Variants in CENPQ observed in about 807,000 individuals in gnomAD.
CENPQ encodes the protein centromere protein Q, also known as chromosome 6 open reading frame 139.
Under a neutral mutation model 36.6 loss-of-function variants are expected in CENPQ, and 27 were observed. The ratio of observed to expected loss-of-function variants is 0.74; its 90% confidence interval spans 0.54 to 1.02. CENPQ has a LOEUF of 1.02. Among genes scored for constraint, CENPQ ranks in the 50% least tolerant of loss-of-function variants. The probability of loss-of-function intolerance (pLI) is 0.00; values close to 1 mark genes in which losing one functional copy is unlikely to be tolerated. For synonymous variants in CENPQ, 101 were observed against 101.7 expected (o/e 0.99, Z 0.04); for missense variants, 306 against 301.8 (o/e 1.01, Z -0.10).
intron 8 of CENPQ, among the ~76,000 whole-genome samples, chr6:49,488,912 C>T (rs559429440): frequency 3.3e-5 from 5 of 150,778 alleles, no homozygotes; most frequent in South Asian, 4.2e-4. Context: ...ATTTAGAAAA[C>T]GCTTTACTGC....
intron 1 of CENPQ, among the ~76,000 whole-genome samples, chr6:49,469,604 G>A (rs1489891841): frequency 6.6e-6 from 1 of 152,102 alleles, no homozygotes; most frequent in Non-Finnish European, 1.5e-5. Context: ...AATGCACATA[G>A]CCCAGATAGG....
At position 49,471,766 on chromosome 6, in the gene CENPQ, A is replaced by T. The variant is rs574511668; in HGVS notation, c.158-297A>T. 9.9e-5 allele frequency among the ~76,000 whole-genome samples: 15 copies of T among 152,284 alleles called. No homozygotes were observed. In the East Asian group the frequency reaches 2.9e-3, roughly 29 times the overall value. ...GTCCTCTCAATGAAATGTTTAAAGA[A>T]TTTAGGCCATTTCTGAGAATGAAAC... On this transcript the variant is annotated intron_variant, in intron 3 of 8. Transcript: ENST00000335783.
At chr6:49,491,719 C>A (rs1211618069) in intron 8 of CENPQ, among the ~76,000 whole-genome samples, 4 of 152,134 alleles carry the variant, frequency 2.6e-5, no homozygotes, top group African/African-American at 9.7e-5. Context: ...AGTTCGAGAA[C>A]AGCCTGACCA....
At chr6:49,466,405 GACA>G (rs899256903) in intron 1 of CENPQ, among the ~76,000 whole-genome samples, 1 of 152,126 alleles carries the variant, frequency 6.6e-6, no homozygotes, top group Non-Finnish European at 1.5e-5. Flanking sequence ...TAGTTTGTAA[GACA>G]ACAACAACAA....
intron 5 of CENPQ, 92 bp downstream of exon 5, chr6:49,472,950 A>G: frequency 1.0e-6 from 1 of 960,262 alleles, no homozygotes; most frequent in South Asian, 3.7e-5. Context: ...GTGGAATGTA[A>G]GTTTTTCTTT....
chr6:49,478,596 G>C (rs1235767487), intron 5 of CENPQ, among the ~76,000 whole-genome samples: 1 of 152,144 alleles, frequency 6.6e-6, no homozygotes, highest in East Asian at 1.9e-4. Context: ...GAAGAAAGAG[G>C]AAAAAGACGA....
chr6:49,472,883 G>T (rs1334054161), intron 5 of CENPQ, 25 bp downstream of exon 5: 4 of 1,330,596 alleles, frequency 3.0e-6, no homozygotes, highest in Admixed American at 3.0e-5. Context: ...TAATTAAAAT[G>T]ATTAAAACAT....
chr6:49,465,833 A>C (rs1280926216), intron 1 of CENPQ, among the ~76,000 whole-genome samples: 1 of 152,216 alleles, frequency 6.6e-6, no homozygotes, highest in Non-Finnish European at 1.5e-5. Flanking sequence ...CCCTATCAGT[A>C]ATAAGGCTGT....
chr6:49,479,320 G>C (rs541581132), intron 5 of CENPQ, among the ~76,000 whole-genome samples: 14 of 152,168 alleles, frequency 9.2e-5, no homozygotes, highest in Non-Finnish European at 1.2e-4. Flanking sequence ...AGTGGGCAAA[G>C]GACATGAACA....
chr6:49,485,975 GA>G (rs1768569529), intron 6 of CENPQ, among the ~76,000 whole-genome samples: 1 of 152,122 alleles, frequency 6.6e-6, no homozygotes, highest in African/African-American at 2.4e-5. Flanking sequence ...TTGAATCTAG[GA>G]AAAGGGTCTT....
chr6:49,478,491 G>A (rs1226876952), intron 5 of CENPQ, among the ~76,000 whole-genome samples: 1 of 151,904 alleles, frequency 6.6e-6, no homozygotes, highest in African/African-American at 2.4e-5. Context: ...TTGACTAAAC[G>A]TTAGCTTCAT....
intron 1 of CENPQ, among the ~76,000 whole-genome samples, chr6:49,469,041 A>G (rs1768069138): frequency 1.3e-5 from 2 of 152,224 alleles, no homozygotes; most frequent in African/African-American, 4.8e-5. Flanking sequence ...AGAGCAGGGT[A>G]AAGTGATATT....
chr6:49,489,804 A>G (rs1768674776), intron 8 of CENPQ, among the ~76,000 whole-genome samples: 1 of 152,168 alleles, frequency 6.6e-6, no homozygotes, highest in African/African-American at 2.4e-5. Flanking sequence ...AACTGTGAAC[A>G]TTTTCAATGA....
chr6:49,483,940 A>AGCAAGGGCT (rs769981770), intron 6 of CENPQ, among the ~76,000 whole-genome samples: 1 of 152,242 alleles, frequency 6.6e-6, no homozygotes, highest in Non-Finnish European at 1.5e-5. Context: ...GCCAGGAGTG[A>AGCAAGGGCT]GCAAGGGCTG....
chr6:49,485,259 CAG>C (rs1004787289), intron 6 of CENPQ, among the ~76,000 whole-genome samples: 1 of 152,162 alleles, frequency 6.6e-6, no homozygotes, highest in African/African-American at 2.4e-5. Flanking sequence ...GTAATAGTAA[CAG>C]AAATTTTATT....
At chr6:49,475,551 A>G (rs1401364533) in intron 5 of CENPQ, among the ~76,000 whole-genome samples, 2 of 152,330 alleles carry the variant, frequency 1.3e-5, no homozygotes, top group South Asian at 2.1e-4. Flanking sequence ...CCTATTCAAC[A>G]TAGTGTTGGA....
chr6:49,483,284 T>C (rs1381696570), intron 6 of CENPQ, among the ~76,000 whole-genome samples: 2 of 152,132 alleles, frequency 1.3e-5, no homozygotes. Flanking sequence ...TGCAGATTGG[T>C]GTATTTACAA....
intron 4 of CENPQ, 68 bp from the exon 5 acceptor site, chr6:49,472,721 GA>G: frequency 4.1e-6 from 5 of 1,230,392 alleles, no homozygotes; most frequent in Non-Finnish European, 4.2e-6. Flanking sequence ...AAATCAGAGA[GA>G]AAAAGTACAA....
intron 1 of CENPQ, among the ~76,000 whole-genome samples, chr6:49,465,588 C>T (rs1212337717): frequency 2.6e-5 from 4 of 152,236 alleles, no homozygotes; most frequent in African/African-American, 7.2e-5. Flanking sequence ...CTTGCTGCAG[C>T]TTCTGCATCA....
Sources: allele counts gnomAD v4.1 joint callset (sites outside exome capture counted in the v4.1 genomes callset), GRCh38; gene constraint gnomAD v4.1.1; transcripts MANE v1.5; gene names NCBI Gene and HGNC (gene_info 2026-07-23, HGNC 2026-07-21).